Variants in NRXN1 observed in about 807,000 individuals in gnomAD.
NRXN1 encodes neurexin 1, also known as neurexin-1.
NRXN1 carries 39 observed loss-of-function variants against 150.9 expected under a neutral mutation model. The ratio of observed to expected loss-of-function variants is 0.26; its 90% CI spans 0.20 to 0.34. The LOEUF is 0.34. NRXN1 is among the 10% of genes least tolerant of loss of function. The pLI, the probability that NRXN1 is intolerant of heterozygous loss-of-function variation, is 1.00. For missense variants in NRXN1, 1,815 were observed against 1,949.9 expected (o/e 0.93, Z 1.30); for synonymous variants, 924 against 757.0 (o/e 1.22, Z -3.62).
intron 17 of NRXN1, among the ~76,000 whole-genome samples, chr2:50,412,913 T>C (rs1572878574): frequency 6.6e-6 from 1 of 152,272 alleles, no homozygotes; most frequent in Admixed American, 6.5e-5. Context: ...CCAATCTTTC[T>C]CCATATGTGA....
intron 18 of NRXN1, among the ~76,000 whole-genome samples, chr2:50,211,730 G>A (rs565227988): frequency 7.0e-4 from 106 of 151,394 alleles, no homozygotes; most frequent in African/African-American, 2.5e-3. Flanking sequence ...TATTCTGTAG[G>A]CAAATGTTTA....
intron 2 of NRXN1, among the ~76,000 whole-genome samples, chr2:50,948,336 T>C (rs1258136167): frequency 1.3e-5 from 2 of 152,050 alleles, no homozygotes; most frequent in African/African-American, 4.8e-5. Flanking sequence ...TGATATAAGA[T>C]ATTGTTCTAA....
chr2:50,055,567 C>T lies in NRXN1; in HGVS notation c.3719-523G>A, dbSNP rs1693464588. Among the ~76,000 whole-genome samples, 3 of 152,120 alleles carry T rather than the reference C, an allele frequency of 2.0e-5. No homozygotes were observed. In the South Asian group the frequency reaches 6.2e-4, roughly 31 times the overall value. ...TAGTCAGAAAACAGAAATTCTTATT[C>T]ACCTCATTTAAGAAAACAACAAAGT... On this transcript the variant is annotated intron_variant, in intron 19 of 22. Transcript: ENST00000401669.
intron 2 of NRXN1, among the ~76,000 whole-genome samples, chr2:51,016,280 G>A (rs896829134): frequency 1.3e-5 from 2 of 151,940 alleles, no homozygotes; most frequent in Non-Finnish European, 2.9e-5. Context: ...AACTAAAGAG[G>A]TTCTGCACAG....
At chr2:50,155,530 T>C (rs1422497557) in intron 18 of NRXN1, among the ~76,000 whole-genome samples, 1 of 151,620 alleles carries the variant, frequency 6.6e-6, no homozygotes, top group Non-Finnish European at 1.5e-5. Flanking sequence ...ATGCTCCTTC[T>C]AAGAGTACAA....
rs187272984 is a variant in NRXN1, at chr2:50,793,117, T to C, written c.832+128752A>G. On this transcript the variant is annotated intron_variant, in intron 5 of 22. Coordinates refer to ENST00000401669, the MANE Select transcript of NRXN1 (RefSeq NM_001330078.2). ...AGGATGAAGATACATTTTGAGATGA[T>C]ATGATTTATCCAGAAGAAAAAGCAA... Among the ~76,000 whole-genome samples the C allele has an allele frequency of 3.9e-5, 6 of 152,140 alleles. No individual in the cohort carries two copies. The East Asian group carries it at 1.2e-3, about 29-fold the overall frequency.
At chr2:51,006,957 T>G (rs1700802662) in intron 2 of NRXN1, among the ~76,000 whole-genome samples, 1 of 151,952 alleles carries the variant, frequency 6.6e-6, no homozygotes, top group Admixed American at 6.6e-5. Flanking sequence ...ACCTTCTAAA[T>G]GTCTATATTC....
Position 50,562,135 on chromosome 2 carries a change from C to T in NRXN1, c.1321-9110G>A, listed in dbSNP as rs143073290. 9.5e-3 allele frequency among the ~76,000 whole-genome samples: 1,441 copies of T among 152,234 alleles called. 26 individuals are homozygous for T. The highest frequency in any genetic ancestry group is 0.032 in the African/African-American group (1,346 of 41,550). ...AACTGATAATAACAAAATAGTGACACTAAATGATGTGTCTAGATTAATCAA... is the reference window on the plus strand; with the variant it reads ...AACTGATAATAACAAAATAGTGACATTAAATGATGTGTCTAGATTAATCAA... On this transcript the variant is annotated intron_variant, in intron 8 of 22. Transcript: ENST00000401669.
At chr2:50,803,504 T>C (rs1356577152) in intron 5 of NRXN1, among the ~76,000 whole-genome samples, 1 of 152,220 alleles carries the variant, frequency 6.6e-6, no homozygotes, top group Admixed American at 6.5e-5. Context: ...TGTTTTTATT[T>C]CTTTGCATTT....
At chr2:50,428,022 C>G (rs528548145) in intron 17 of NRXN1, among the ~76,000 whole-genome samples, 2 of 152,278 alleles carry the variant, frequency 1.3e-5, no homozygotes, top group South Asian at 4.1e-4. Flanking sequence ...TTTTCCTCTT[C>G]TTTATAGGCA....
chr2:50,248,575 A>C (rs1157488673), intron 17 of NRXN1, among the ~76,000 whole-genome samples: 5 of 152,210 alleles, frequency 3.3e-5, no homozygotes, highest in Admixed American at 6.5e-5. Context: ...AAATTGCCTA[A>C]GTAGAGTAGT....
At chr2:50,128,983 CAATAAATAAATAAATA>C (rs1553641018) in intron 18 of NRXN1, among the ~76,000 whole-genome samples, 2 of 146,904 alleles carry the variant, frequency 1.4e-5, no homozygotes, top group East Asian at 2.0e-4. Flanking sequence ...GACTCCATCT[CAATAAATAAATAAATA>C]AATAAATAAA....
intron 2 of NRXN1, among the ~76,000 whole-genome samples, chr2:50,942,885 G>A (rs1575005319): frequency 6.6e-6 from 1 of 152,166 alleles, no homozygotes; most frequent in East Asian, 1.9e-4. Flanking sequence ...AGAGACATGA[G>A]ATTTGGTAGG....
chr2:50,684,059 C>A (rs1690869528), intron 5 of NRXN1, among the ~76,000 whole-genome samples: 2 of 152,114 alleles, frequency 1.3e-5, no homozygotes, highest in East Asian at 3.9e-4. Flanking sequence ...AGATAGGTTA[C>A]CGACTACTCC....
chr2:50,208,581 G>T (rs1277591899), intron 18 of NRXN1, among the ~76,000 whole-genome samples: 3 of 152,028 alleles, frequency 2.0e-5, no homozygotes, highest in African/African-American at 7.2e-5. Context: ...TAGAGAGGAG[G>T]TGGTGGTGGA....
intron 10 of NRXN1, among the ~76,000 whole-genome samples, chr2:50,537,519 T>C (rs974916847): frequency 6.6e-6 from 1 of 152,112 alleles, no homozygotes; most frequent in Non-Finnish European, 1.5e-5. Context: ...CCTTTTATTG[T>C]ATAGGGTGAA....
chr2:50,329,678 T>A (rs1166453667), intron 17 of NRXN1, among the ~76,000 whole-genome samples: 5 of 61,434 alleles, frequency 8.1e-5, no homozygotes, highest in African/African-American at 2.1e-4. Flanking sequence ...TATATATTTT[T>A]TTTTTTCCCC....
chr2:50,824,838 G>A (rs544950778), intron 5 of NRXN1, among the ~76,000 whole-genome samples: 23 of 152,264 alleles, frequency 1.5e-4, no homozygotes, highest in African/African-American at 5.3e-4. Context: ...CTTTTCATTA[G>A]TAAGATGAAT....
At chr2:50,189,266 A>T (rs890096638) in intron 18 of NRXN1, among the ~76,000 whole-genome samples, 1 of 152,116 alleles carries the variant, frequency 6.6e-6, no homozygotes, top group African/African-American at 2.4e-5. Flanking sequence ...TAACACAGGG[A>T]CAGAAAACCA....
Sources: gnomAD v4.1 joint callset for allele counts (sites outside exome capture counted in the v4.1 genomes callset) on GRCh38, gnomAD v4.1.1 for gene constraint, MANE v1.5 for transcripts, NCBI Gene and HGNC (gene_info 2026-07-23, HGNC 2026-07-21) for gene names.